ST6GALNAC3: variants seen among roughly 807,000 people sequenced by gnomAD.
ST6GALNAC3 encodes the protein ST6 N-acetylgalactosaminide alpha-2,6-sialyltransferase 3.
A neutral mutation model predicts 32.7 loss-of-function variants in ST6GALNAC3; 25 were observed. The observed-to-expected ratio is 0.76, with a 90% CI of 0.56 to 1.07. ST6GALNAC3 has a LOEUF of 1.07. Ranked by LOEUF, ST6GALNAC3 falls within the 50% of genes least tolerant of loss-of-function variation. ST6GALNAC3 has a pLI of 0.00. For missense variants in ST6GALNAC3, 355 were observed against 382.4 expected (o/e 0.93, Z 0.60); for synonymous variants, 129 against 133.1 (o/e 0.97, Z 0.21).
chr1:76,357,537 C>T (rs1028488335), intron 2 of ST6GALNAC3, among the ~76,000 whole-genome samples: 2 of 152,164 alleles, frequency 1.3e-5, no homozygotes, highest in Non-Finnish European at 2.9e-5. Flanking sequence ...TCTATCCTTC[C>T]AGTGGGACTC....
intron 3 of ST6GALNAC3, among the ~76,000 whole-genome samples, chr1:76,507,942 A>G (rs1356059472): frequency 6.6e-6 from 1 of 152,130 alleles, no homozygotes; most frequent in Non-Finnish European, 1.5e-5. Flanking sequence ...AATATTTGCT[A>G]TTACTTGTCT....
chr1:76,078,855 G>A (rs540440463), intron 1 of ST6GALNAC3, among the ~76,000 whole-genome samples: 19 of 151,992 alleles, frequency 1.3e-4, no homozygotes, highest in Non-Finnish European at 2.8e-4. Flanking sequence ...ATCTTGGTTC[G>A]CTGCAACCTC....
intron 3 of ST6GALNAC3, among the ~76,000 whole-genome samples, chr1:76,575,872 C>T (rs1646796739): frequency 6.6e-6 from 1 of 151,892 alleles, no homozygotes; most frequent in Non-Finnish European, 1.5e-5. Flanking sequence ...AGCTGTGTGT[C>T]AGATCCCATA....
intron 1 of ST6GALNAC3, among the ~76,000 whole-genome samples, chr1:76,107,088 G>T (rs547304303): frequency 2.6e-5 from 4 of 152,214 alleles, no homozygotes; most frequent in Non-Finnish European, 5.9e-5. Context: ...CACCAACTGG[G>T]TGGGGTTGGG....
chr1:76,098,783 A>G (rs1016646030), intron 1 of ST6GALNAC3, among the ~76,000 whole-genome samples: 1 of 152,006 alleles, frequency 6.6e-6, no homozygotes, highest in Admixed American at 6.5e-5. Context: ...ACTACAGCCT[A>G]TTTTCTTAAT....
rs1001474585 is a variant in ST6GALNAC3 at position 76,490,427 on chromosome 1, T to C, written c.623+78010T>C. Among the ~76,000 whole-genome samples the C allele has an allele frequency of 2.0e-5, 3 of 149,776 alleles. No individual in the cohort carries two copies. In the East Asian group the frequency reaches 5.8e-4, roughly 29 times the overall value. On this transcript the variant is annotated intron_variant, in intron 3 of 4. Coordinates refer to ENST00000328299, the MANE Select transcript of ST6GALNAC3 (RefSeq NM_152996.4). ...TCAATTTTGGGCACATTATTGTATA[T>C]AGTATATGATATATACTTATATGTT...
At chr1:76,452,072 TG>T (rs1403068880) in intron 3 of ST6GALNAC3, among the ~76,000 whole-genome samples, 9 of 152,064 alleles carry the variant, frequency 5.9e-5, no homozygotes, top group African/African-American at 2.2e-4. Flanking sequence ...GATGGTGATA[TG>T]GTTTGGCTGT....
At chr1:76,459,450 G>T (rs2101589986) in intron 3 of ST6GALNAC3, among the ~76,000 whole-genome samples, 1 of 152,174 alleles carries the variant, frequency 6.6e-6, no homozygotes, top group Non-Finnish European at 1.5e-5. Flanking sequence ...TGTAGTCCCA[G>T]CTACTCGGGA....
chr1:76,571,150 T>C (rs1665835729), intron 3 of ST6GALNAC3, among the ~76,000 whole-genome samples: 1 of 152,170 alleles, frequency 6.6e-6, no homozygotes, highest in Non-Finnish European at 1.5e-5. Context: ...CTATTCTATC[T>C]CCTATCTGTG....
chr1:76,544,576 T>A (rs529428119), intron 3 of ST6GALNAC3, among the ~76,000 whole-genome samples: 2 of 152,254 alleles, frequency 1.3e-5, no homozygotes, highest in Admixed American at 6.5e-5. Flanking sequence ...CAAGAGCAAC[T>A]TGCCATTTAA....
intron 1 of ST6GALNAC3, among the ~76,000 whole-genome samples, chr1:76,307,109 C>T (rs1661106737): frequency 6.6e-6 from 1 of 152,116 alleles, no homozygotes; most frequent in Non-Finnish European, 1.5e-5. Flanking sequence ...AAAGCAACGT[C>T]TCTCAGTGTG....
intron 2 of ST6GALNAC3, among the ~76,000 whole-genome samples, chr1:76,410,024 G>T (rs1654112725): frequency 6.6e-6 from 1 of 152,136 alleles, no homozygotes; most frequent in Admixed American, 6.6e-5. Context: ...TGCTGGGATT[G>T]TAGCAGCGGC....
chr1:76,540,939 G>A (rs370095549), intron 3 of ST6GALNAC3, among the ~76,000 whole-genome samples: 1 of 152,148 alleles, frequency 6.6e-6, no homozygotes, highest in African/African-American at 2.4e-5. Flanking sequence ...AATGTAATGT[G>A]GTAAGTGTGA....
At chr1:76,115,150 A>G (rs1415673223) in intron 1 of ST6GALNAC3, among the ~76,000 whole-genome samples, 1 of 152,140 alleles carries the variant, frequency 6.6e-6, no homozygotes, top group Non-Finnish European at 1.5e-5. Context: ...AGAAAAATAG[A>G]TGAGACTGCT....
chr1:76,291,976 T>C (rs12127441), intron 1 of ST6GALNAC3, among the ~76,000 whole-genome samples: 80,432 of 152,122 alleles, frequency 0.53, 22,328 homozygotes, highest in African/African-American at 0.71. Context: ...AATCTCTCTT[T>C]GGCTTGCAGC....
At chr1:76,249,083 T>A (rs1657469504) in intron 1 of ST6GALNAC3, among the ~76,000 whole-genome samples, 1 of 152,330 alleles carries the variant, frequency 6.6e-6, no homozygotes, top group East Asian at 1.9e-4. Flanking sequence ...GTTACTTTTT[T>A]AAATTATAGC....
At chr1:76,623,987 ATAGT>A (rs1482482218) in intron 3 of ST6GALNAC3, among the ~76,000 whole-genome samples, 2 of 151,908 alleles carry the variant, frequency 1.3e-5, no homozygotes, top group East Asian at 3.9e-4. Flanking sequence ...TTAGCTCCAA[ATAGT>A]TAGAGAAAAG....
chr1:76,538,760 A>G (rs1663793284), intron 3 of ST6GALNAC3, among the ~76,000 whole-genome samples: 1 of 152,178 alleles, frequency 6.6e-6, no homozygotes, highest in Non-Finnish European at 1.5e-5. Flanking sequence ...ATGAACTCCC[A>G]TTCACAATCA....
chr1:76,458,827 G>A (rs945455656), intron 3 of ST6GALNAC3, among the ~76,000 whole-genome samples: 6 of 151,244 alleles, frequency 4.0e-5, no homozygotes, highest in African/African-American at 1.2e-4. Context: ...CGGCACATGT[G>A]TACATATGTA....
Sources: allele counts gnomAD v4.1 joint callset (sites outside exome capture counted in the v4.1 genomes callset), GRCh38; gene constraint gnomAD v4.1.1; transcripts MANE v1.5; gene names NCBI Gene and HGNC (gene_info 2026-07-23, HGNC 2026-07-21).